The following CDH18 variants were observed in gnomAD, a reference collection of about 807,000 sequenced individuals.
The protein encoded by CDH18 is cadherin 18.
CDH18 carries 31 observed loss-of-function variants against 67.9 expected under a neutral mutation model. That is an observed-to-expected ratio of 0.46 (90% CI 0.34 to 0.62). The LOEUF (loss-of-function observed/expected upper bound fraction) is 0.62. CDH18 is among the 20% of genes least tolerant of loss of function. The pLI, the probability that CDH18 is intolerant of heterozygous loss-of-function variation, is 0.01. For missense variants in CDH18, 890 were observed against 975.5 expected, an observed-to-expected ratio of 0.91 and a Z score of 1.17; for synonymous variants, 362 against 347.2, an observed-to-expected ratio of 1.04 and a Z score of -0.48.
At chr5:20,367,405 C>T (rs893967488) in intron 1 of CDH18, among the ~76,000 whole-genome samples, 2 of 152,164 alleles carry the variant, frequency 1.3e-5, no homozygotes, top group Non-Finnish European at 2.9e-5. Flanking sequence ...CTGGCCAGAT[C>T]ACGTACCTGT....
intron 2 of CDH18, among the ~76,000 whole-genome samples, chr5:19,903,541 G>GTGTATATATATATATATA (rs374931710): frequency 1.1e-4 from 14 of 124,760 alleles, no homozygotes; most frequent in Middle Eastern, 4.2e-3. Context: ...GTGTGTGTGT[G>GTGTATATATATATATATA]TATATATATA....
intron 1 of CDH18, among the ~76,000 whole-genome samples, chr5:20,398,803 G>A (rs1745506063): frequency 1.3e-5 from 2 of 149,618 alleles, no homozygotes; most frequent in Admixed American, 6.7e-5. Context: ...CACGGCACAC[G>A]TATACCTACG....
chr5:20,128,024 G>T (rs116069278), intron 2 of CDH18, among the ~76,000 whole-genome samples: 3 of 152,104 alleles, frequency 2.0e-5, no homozygotes, highest in African/African-American at 7.2e-5. Context: ...GCTGATCATG[G>T]TCCCTGACAA....
At chr5:19,558,715 A>C (rs1738898736) in intron 8 of CDH18, among the ~76,000 whole-genome samples, 1 of 151,996 alleles carries the variant, frequency 6.6e-6, no homozygotes, top group Non-Finnish European at 1.5e-5. Flanking sequence ...ATTATATTAG[A>C]CATTCAAGCA....
intron 2 of CDH18, among the ~76,000 whole-genome samples, chr5:19,876,818 T>G (rs950181660): frequency 2.0e-5 from 3 of 152,136 alleles, no homozygotes; most frequent in African/African-American, 4.8e-5. Flanking sequence ...CCGGTTTTCC[T>G]GGGCACAGAG....
At chr5:20,168,691 A>G (rs567252484) in intron 2 of CDH18, among the ~76,000 whole-genome samples, 1 of 152,190 alleles carries the variant, frequency 6.6e-6, no homozygotes, top group Non-Finnish European at 1.5e-5. Flanking sequence ...AGAGTATTCC[A>G]GTATATTTTT....
At chr5:20,195,889 C>T (rs1235769791) in intron 2 of CDH18, among the ~76,000 whole-genome samples, 1 of 148,854 alleles carries the variant, frequency 6.7e-6, no homozygotes, top group Non-Finnish European at 1.5e-5. Context: ...TGTAGATTTC[C>T]CATTCTTAAA....
chr5:19,752,246 A>G (rs2149673225), intron 3 of CDH18, among the ~76,000 whole-genome samples: 1 of 152,200 alleles, frequency 6.6e-6, no homozygotes. Context: ...CTAAAGCCCT[A>G]CTTTCTTTTG....
intron 5 of CDH18, among the ~76,000 whole-genome samples, chr5:19,699,630 G>GTGTGTC (rs1561081254): frequency 1.6e-5 from 2 of 127,536 alleles, no homozygotes; most frequent in East Asian, 2.7e-4. Context: ...GTGTGTGTGT[G>GTGTGTC]TGTGTGTGTG....
Position 19,487,676 on chromosome 5 carries a change from T to C in CDH18, c.1631-4124A>G, listed in dbSNP as rs1740628817. Among the ~76,000 whole-genome samples the C allele has an allele frequency of 2.0e-5, 3 of 152,284 alleles. 1 individual carries two copies. In the South Asian group the frequency reaches 6.2e-4, roughly 32 times the overall value. ...ATGTATTTTAATATTTAAAAATAGA[T>C]GACAATGCATTATTTATTTTGTTAT... On this transcript the variant is annotated intron_variant, in intron 11 of 12. Coordinates refer to ENST00000382275, the MANE Select transcript of CDH18 (RefSeq NM_004934.5).
At chr5:19,521,123 C>T (rs1746836232) in intron 9 of CDH18, among the ~76,000 whole-genome samples, 1 of 152,106 alleles carries the variant, frequency 6.6e-6, no homozygotes, top group South Asian at 2.1e-4. Flanking sequence ...CTAAGAAAAA[C>T]ACAGCAGTTG....
chr5:20,041,855 A>G (rs1740448849), intron 2 of CDH18, among the ~76,000 whole-genome samples: 1 of 152,252 alleles, frequency 6.6e-6, no homozygotes, highest in African/African-American at 2.4e-5. Context: ...TGTTGAATCT[A>G]ACTAATCAAG....
intron 8 of CDH18, among the ~76,000 whole-genome samples, chr5:19,570,645 G>A (rs1008958314): frequency 1.3e-4 from 20 of 152,066 alleles, no homozygotes; most frequent in African/African-American, 4.1e-4. Flanking sequence ...ATTTCCATGA[G>A]TATAAATACA....
chr5:19,968,831 G>A (rs368070258), intron 2 of CDH18, among the ~76,000 whole-genome samples: 17 of 145,330 alleles, frequency 1.2e-4, no homozygotes, highest in Middle Eastern at 3.4e-3. Flanking sequence ...ACAAAAGCCA[G>A]AATTGACAAA....
At chr5:20,019,859 C>T (rs1738243744) in intron 2 of CDH18, among the ~76,000 whole-genome samples, 2 of 152,152 alleles carry the variant, frequency 1.3e-5, no homozygotes, top group African/African-American at 2.4e-5. Context: ...GATTGGAGGG[C>T]TCAGAAGAAG....
At chr5:20,515,987 T>C (rs1755344033) in intron 1 of CDH18, among the ~76,000 whole-genome samples, 2 of 152,058 alleles carry the variant, frequency 1.3e-5, no homozygotes, top group Admixed American at 6.6e-5. Context: ...ACGATTACAA[T>C]GTTCATTTCC....
intron 1 of CDH18, among the ~76,000 whole-genome samples, chr5:20,444,948 AT>A (rs1749895787): frequency 1.3e-5 from 2 of 152,190 alleles, no homozygotes. Context: ...GTTGTAAAAA[AT>A]GTGTTATCAT....
chr5:20,037,121 G>T (rs1412652992), intron 2 of CDH18, among the ~76,000 whole-genome samples: 1 of 152,012 alleles, frequency 6.6e-6, no homozygotes, highest in African/African-American at 2.4e-5. Flanking sequence ...TACATTTAAG[G>T]TTAATATTGT....
chr5:19,954,730 A>G (rs958348980), intron 2 of CDH18, among the ~76,000 whole-genome samples: 15 of 152,068 alleles, frequency 9.9e-5, no homozygotes, highest in African/African-American at 3.4e-4. Context: ...TCAAATGTTC[A>G]TGCTTTCAAA....
Sources: allele counts gnomAD v4.1 joint callset (sites outside exome capture counted in the v4.1 genomes callset), GRCh38; gene constraint gnomAD v4.1.1; transcripts MANE v1.5; gene names NCBI Gene and HGNC (gene_info 2026-07-23, HGNC 2026-07-21).